Variants in EVI5 observed in about 807,000 individuals in gnomAD.
The protein encoded by EVI5 is ecotropic viral integration site 5 protein homolog.
EVI5 carries 73 observed loss-of-function variants against 112.0 expected under a neutral mutation model. The ratio of observed to expected loss-of-function variants is 0.65; its 90% CI spans 0.54 to 0.79. EVI5 has a LOEUF of 0.79. Ranked by LOEUF, EVI5 falls within the 30% of genes least tolerant of loss-of-function variation. The pLI, the probability that EVI5 is intolerant of heterozygous loss-of-function variation, is 0.00. For synonymous variants in EVI5, 305 were observed against 319.9 expected, an observed-to-expected ratio of 0.95 and a Z score of 0.50; for missense variants, 900 against 968.8, an observed-to-expected ratio of 0.93 and a Z score of 0.94.
intron 19 of EVI5, among the ~76,000 whole-genome samples, chr1:92,561,662 T>TATCA (rs917891237): frequency 5.7e-5 from 7 of 123,334 alleles, no homozygotes; most frequent in East Asian, 2.1e-4. Context: ...TCTATCTATC[T>TATCA]ATCAGAGTCT....
intron 2 of EVI5, among the ~76,000 whole-genome samples, chr1:92,709,941 C>A (rs754831018): frequency 6.6e-6 from 1 of 151,786 alleles, no homozygotes; most frequent in Non-Finnish European, 1.5e-5. Flanking sequence ...ATTTACAAAG[C>A]CTTGAGCTTG....
At chr1:92,646,707 T>C (rs902042214) in intron 13 of EVI5, among the ~76,000 whole-genome samples, 18 of 152,214 alleles carry the variant, frequency 1.2e-4, no homozygotes, top group Non-Finnish European at 2.1e-4. Context: ...TTACAAATGT[T>C]TTTTAAAATG....
At chr1:92,637,663 C>T (rs1452717604) in intron 13 of EVI5, among the ~76,000 whole-genome samples, 1 of 152,084 alleles carries the variant, frequency 6.6e-6, no homozygotes, top group East Asian at 1.9e-4. Flanking sequence ...GAAAATGTGG[C>T]AACTCAAAAT....
chr1:92,746,910 G>GT (rs1679337318), intron 1 of EVI5, among the ~76,000 whole-genome samples: 1 of 95,732 alleles, frequency 1.0e-5, no homozygotes, highest in South Asian at 3.6e-4. Flanking sequence ...AAAAAAAAAA[G>GT]TTTTTTTAAA....
In EVI5 at chr1:92,665,992, T is replaced by C; in HGVS notation, c.1159A>G (p.Arg387Gly). ...AAAAGTCTATTTTCTGTGCGTAACC[T>C]CTGCCAAGAAAAAAAAAGTTTTATT... Reference protein sequence around the residue: ...KEMEEQVEIKRLRTENRLLKQ... With the variant: ...KEMEEQVEIKGLRTENRLLKQ... The change falls in exon 11 of 20, where the codon AGG (arginine) becomes GGG (glycine). Residue 387 changes from arginine to glycine, a missense_variant and splice_region_variant. Coordinates refer to ENST00000684568, the MANE Select transcript of EVI5 (RefSeq NM_001350197.2). 6.3e-7 allele frequency: 1 copy of C among 1,588,730 alleles called. No individual in the cohort carries two copies.
At chr1:92,657,654 T>C (rs1211195283) in intron 13 of EVI5, among the ~76,000 whole-genome samples, 1 of 151,660 alleles carries the variant, frequency 6.6e-6, no homozygotes, top group Non-Finnish European at 1.5e-5. Context: ...CAGAGCAAGA[T>C]CCTGTTAAAA....
chr1:92,597,354 C>CA (rs1202263924), intron 18 of EVI5, among the ~76,000 whole-genome samples: 2 of 151,940 alleles, frequency 1.3e-5, no homozygotes, highest in African/African-American at 4.8e-5. Context: ...GTGAGGATAG[C>CA]AAAAAAATTC....
chr1:92,673,185 C>CTTTTTTTTTTT (rs35702596), intron 10 of EVI5, among the ~76,000 whole-genome samples: 23 of 123,584 alleles, frequency 1.9e-4, no homozygotes, highest in African/African-American at 2.9e-4. Context: ...TAACACTTCT[C>CTTTTTTTTTTT]TTTTTTTTTT....
rs116489856 is a variant in EVI5, at chr1:92,770,445, T to C, written c.-82+14391A>G. On this transcript the variant is annotated intron_variant, in intron 1 of 19. Coordinates refer to ENST00000684568, the MANE Select transcript of EVI5 (RefSeq NM_001350197.2). ...GTACGTTTCTCTAGGATTTATTCCA[T>C]AAAGTATAACTACTGGGACAAGTAA... Among the ~76,000 whole-genome samples the C allele has an allele frequency of 2.0e-3, 307 of 152,348 alleles. 4 individuals are homozygous for C. Among genetic ancestry groups the C allele is most frequent in the African/African-American group, 7.0e-3 (293 of 41,592 alleles).
chr1:92,736,583 T>C lies in EVI5; in HGVS notation c.-37A>G. 6.2e-7 allele frequency: 1 copy of C among 1,613,544 alleles called. No homozygotes were observed. The highest frequency in any genetic ancestry group is 8.5e-7 in the Non-Finnish European group (1 of 1,179,446). On this transcript the variant is annotated 5_prime_UTR_variant, in exon 2 of 20. The change abolishes an upstream ATG in the 5' untranslated region. Coordinates refer to ENST00000684568, the MANE Select transcript of EVI5 (RefSeq NM_001350197.2). ...TATGCGATACTGTGTTCTTCACCCATGAGAGAGTAGAGCTCAGCTTTTCTG... is the reference window on the plus strand; with the variant it reads ...TATGCGATACTGTGTTCTTCACCCACGAGAGAGTAGAGCTCAGCTTTTCTG...
At chr1:92,715,390 A>G (rs1570541087) in intron 2 of EVI5, among the ~76,000 whole-genome samples, 1 of 152,314 alleles carries the variant, frequency 6.6e-6, no homozygotes, top group Non-Finnish European at 1.5e-5. Context: ...CTTCCACACA[A>G]GAATAAAGAG....
At chr1:92,710,611 C>T (rs1385439632) in intron 2 of EVI5, among the ~76,000 whole-genome samples, 1 of 152,110 alleles carries the variant, frequency 6.6e-6, no homozygotes, top group Non-Finnish European at 1.5e-5. Context: ...CAGACTAGGA[C>T]ATAAGACATT....
At chr1:92,705,392 G>A (rs143008440) in intron 2 of EVI5, among the ~76,000 whole-genome samples, 10 of 152,186 alleles carry the variant, frequency 6.6e-5, no homozygotes, top group East Asian at 5.8e-4. Context: ...AGGCAAAACC[G>A]GTCCATATTC....
At chr1:92,576,364 T>C (rs1671087889) in intron 18 of EVI5, among the ~76,000 whole-genome samples, 1 of 152,172 alleles carries the variant, frequency 6.6e-6, no homozygotes, top group African/African-American at 2.4e-5. Context: ...TATTGGTAGT[T>C]ATAATTTTTA....
chr1:92,669,405 T>C (rs1665460092), intron 10 of EVI5, among the ~76,000 whole-genome samples: 1 of 151,724 alleles, frequency 6.6e-6, no homozygotes, highest in African/African-American at 2.4e-5. Flanking sequence ...AAAATCAGCC[T>C]GGCATGGTGG....
chr1:92,556,876 C>G (rs1207826774), intron 19 of EVI5, among the ~76,000 whole-genome samples: 1 of 151,788 alleles, frequency 6.6e-6, no homozygotes, highest in Admixed American at 6.6e-5. Flanking sequence ...GTGGCATGAT[C>G]TTAGCTCACT....
At position 92,606,238 on chromosome 1, in the gene EVI5, T is replaced by G. The variant is rs149441884; in HGVS notation, c.1975-836A>C. 1.8e-3 allele frequency among the ~76,000 whole-genome samples: 280 copies of G among 152,328 alleles called. 4 individuals carry two copies. Among genetic ancestry groups the G allele is most frequent in the African/African-American group, 6.2e-3 (257 of 41,574 alleles). On this transcript the variant is annotated intron_variant, in intron 17 of 19. Transcript: ENST00000684568. ...ACAAGTTCAAAGAAAATTATTATTT[T>G]CAACAGCAAGTTCCTCAAAGATTTA...
intron 2 of EVI5, among the ~76,000 whole-genome samples, chr1:92,723,607 C>T (rs1021398283): frequency 2.0e-5 from 3 of 152,120 alleles, no homozygotes; most frequent in Non-Finnish European, 4.4e-5. Context: ...TATACGTCAC[C>T]TCAGGATCAC....
chr1:92,728,992 C>A (rs1164679005), intron 2 of EVI5, among the ~76,000 whole-genome samples: 3 of 152,130 alleles, frequency 2.0e-5, no homozygotes, highest in Admixed American at 2.0e-4. Flanking sequence ...GGCCCCAAAC[C>A]ACAAAAGTAG....
Sources: allele counts gnomAD v4.1 joint callset (sites outside exome capture counted in the v4.1 genomes callset), GRCh38; gene constraint gnomAD v4.1.1; transcripts MANE v1.5; gene names NCBI Gene and HGNC (gene_info 2026-07-23, HGNC 2026-07-21).